Variants in DLG1 observed in about 807,000 individuals in gnomAD.
The protein encoded by DLG1 is discs large MAGUK scaffold protein 1, also known as disks large homolog 1.
Under a neutral mutation model 123.4 loss-of-function variants are expected in DLG1, and 42 were observed. That is an observed-to-expected ratio of 0.34 (90% confidence interval 0.27 to 0.44). The LOEUF (loss-of-function observed/expected upper bound fraction) is 0.44. Among genes scored for constraint, DLG1 ranks in the 20% least tolerant of loss-of-function variants. The probability of loss-of-function intolerance (pLI) is 1.00; values close to 1 mark genes in which losing one functional copy is unlikely to be tolerated. For synonymous variants in DLG1, 317 were observed against 356.2 expected (o/e 0.89, Z 1.24); for missense variants, 942 against 1,082.6 (o/e 0.87, Z 1.82).
In DLG1 at chr3:197,085,762, G is replaced by A. The variant is rs768107256; in HGVS notation, c.1662-6C>T. The A allele has an allele frequency of 4.4e-6, 7 of 1,605,040 alleles. No individual in the cohort carries two copies. In the African/African-American group the frequency reaches 8.1e-5, roughly 19 times the overall value. On this transcript the variant is annotated splice_polypyrimidine_tract_variant and splice_region_variant and intron_variant, in intron 15 of 24. Transcript: ENST00000667157. ...TGTCATAATCAAAAAGGGCTCTAGA[G>A]TCAGAAGAAAAAAAGTCCATAATCA...
chr3:197,148,786 C>A (rs958126491), intron 6 of DLG1, among the ~76,000 whole-genome samples: 2 of 152,032 alleles, frequency 1.3e-5, no homozygotes, highest in Non-Finnish European at 2.9e-5. Flanking sequence ...ACATACAATA[C>A]AAAAAGTTAC....
At chr3:197,294,026 A>C (rs538621079) in intron 3 of DLG1, 1 of 152,518 alleles carries the variant, frequency 6.6e-6, no homozygotes, top group Non-Finnish European at 1.5e-5. Context: ...TACATTTATG[A>C]CACTGTTTCA....
intron 4 of DLG1, among the ~76,000 whole-genome samples, chr3:197,218,374 T>C (rs919931663): frequency 6.6e-6 from 1 of 152,226 alleles, no homozygotes; most frequent in African/African-American, 2.4e-5. Flanking sequence ...CATCTCTTAA[T>C]GGCTATGAAC....
intron 4 of DLG1, among the ~76,000 whole-genome samples, chr3:197,263,261 G>A (rs1760248855): frequency 6.6e-6 from 1 of 152,052 alleles, no homozygotes; most frequent in Non-Finnish European, 1.5e-5. Context: ...CCTAAGTTTG[G>A]CAGACTTCAT....
intron 6 of DLG1, 110 bp downstream of exon 6, chr3:197,149,633 T>A: frequency 5.2e-6 from 4 of 773,736 alleles, no homozygotes; most frequent in Non-Finnish European, 9.3e-6. Flanking sequence ...TGATAGAACA[T>A]CTTAAGAGAA....
At chr3:197,106,573 A>T (rs1419705529) in intron 13 of DLG1, among the ~76,000 whole-genome samples, 1 of 152,176 alleles carries the variant, frequency 6.6e-6, no homozygotes, top group Non-Finnish European at 1.5e-5. Context: ...AAATCCTCCC[A>T]ATTCCTGGGA....
At chr3:197,075,934 A>G in intron 18 of DLG1, 1 of 1,438,692 alleles carries the variant, frequency 7.0e-7, no homozygotes, top group South Asian at 1.2e-5. Flanking sequence ...AGTTGTCAGT[A>G]ATGCATAAAA....
At chr3:197,112,861 A>C (rs892689249) in intron 13 of DLG1, among the ~76,000 whole-genome samples, 1 of 152,100 alleles carries the variant, frequency 6.6e-6, no homozygotes, top group African/African-American at 2.4e-5. Context: ...CTCCTGAGTT[A>C]CTGGGATTAT....
chr3:197,164,468 A>G (rs191289257), intron 5 of DLG1, among the ~76,000 whole-genome samples: 4 of 152,320 alleles, frequency 2.6e-5, no homozygotes, highest in Non-Finnish European at 4.4e-5. Context: ...AAATAATTTT[A>G]AAAGCCTATG....
chr3:197,252,873 G>A (rs558339812), intron 4 of DLG1, among the ~76,000 whole-genome samples: 1 of 152,138 alleles, frequency 6.6e-6, no homozygotes, highest in South Asian at 2.1e-4. Flanking sequence ...TTTGCGCAGT[G>A]GGCAGCATGT....
At chr3:197,132,493 C>T (rs1783168466) in intron 10 of DLG1, among the ~76,000 whole-genome samples, 1 of 152,186 alleles carries the variant, frequency 6.6e-6, no homozygotes, top group Non-Finnish European at 1.5e-5. Flanking sequence ...ATTAACATTG[C>T]TTTGCAGAGT....
At chr3:197,101,998 C>T (rs918211514) in intron 14 of DLG1, among the ~76,000 whole-genome samples, 1 of 152,100 alleles carries the variant, frequency 6.6e-6, no homozygotes, top group African/African-American at 2.4e-5. Context: ...CTCAAGTAAT[C>T]CTCCCACCTA....
intron 8 of DLG1, among the ~76,000 whole-genome samples, 185 bp downstream of exon 8, chr3:197,139,955 T>C (rs1259466787): frequency 6.6e-6 from 1 of 152,240 alleles, no homozygotes; most frequent in Non-Finnish European, 1.5e-5. Context: ...GGAGTCTAAA[T>C]GAAAACAGGA....
chr3:197,154,466 G>C (rs900290880), intron 5 of DLG1, among the ~76,000 whole-genome samples: 1 of 151,980 alleles, frequency 6.6e-6, no homozygotes, highest in Admixed American at 6.6e-5. Context: ...ACTAGGTCAG[G>C]AGATCGAGAC....
intron 8 of DLG1, among the ~76,000 whole-genome samples, chr3:197,139,524 G>A (rs1345759189): frequency 6.6e-6 from 1 of 152,066 alleles, no homozygotes; most frequent in Non-Finnish European, 1.5e-5. Flanking sequence ...TAGGAAAAAT[G>A]ACATAATTTA....
intron 4 of DLG1, among the ~76,000 whole-genome samples, chr3:197,218,870 G>T (rs1384467577): frequency 6.6e-6 from 1 of 152,142 alleles, no homozygotes; most frequent in Non-Finnish European, 1.5e-5. Context: ...GATGGCTCAC[G>T]CCTGTAAGCC....
chr3:197,271,004 A>AG (rs34129910), intron 4 of DLG1, among the ~76,000 whole-genome samples: 6 of 152,146 alleles, frequency 3.9e-5, no homozygotes, highest in South Asian at 4.1e-4. Context: ...TGTCATTTAA[A>AG]GGGGGGGAAA....
At chr3:197,125,877 G>C (rs912819699) in intron 11 of DLG1, among the ~76,000 whole-genome samples, 6 of 152,198 alleles carry the variant, frequency 3.9e-5, no homozygotes, top group African/African-American at 1.2e-4. Context: ...GAGAACACCA[G>C]ATCACCACAG....
intron 13 of DLG1, among the ~76,000 whole-genome samples, chr3:197,108,577 T>C (rs890692839): frequency 1.0e-4 from 13 of 124,140 alleles, no homozygotes; most frequent in African/African-American, 3.7e-4. Context: ...ATAAAATATA[T>C]ACCATCTATG....
Sources: allele counts gnomAD v4.1 joint callset (sites outside exome capture counted in the v4.1 genomes callset), GRCh38; gene constraint gnomAD v4.1.1; transcripts MANE v1.5; gene names NCBI Gene and HGNC (gene_info 2026-07-23, HGNC 2026-07-21).